The following GSN variants were observed in gnomAD, a reference collection of about 807,000 sequenced individuals.
GSN encodes gelsolin.
Under a neutral mutation model 85.7 loss-of-function variants are expected in GSN, and 56 were observed. The ratio of observed to expected loss-of-function variants is 0.65; its 90% CI spans 0.53 to 0.82. GSN has a LOEUF of 0.82. Among genes scored for constraint, GSN ranks in the 40% least tolerant of loss-of-function variants. The probability of loss-of-function intolerance (pLI) is 0.00; values close to 1 mark genes in which losing one functional copy is unlikely to be tolerated. For synonymous variants in GSN, 373 were observed against 399.1 expected, an observed-to-expected ratio of 0.93 and a Z score of 0.78; for missense variants, 857 against 979.8, an observed-to-expected ratio of 0.87 and a Z score of 1.67.
At chr9:121,312,291 G>T (rs768998819) in intron 5 of GSN, 48 bp from the exon 6 acceptor site, 62 of 1,608,842 alleles carry the variant, frequency 3.9e-5, no homozygotes, top group Admixed American at 8.3e-5. Flanking sequence ...CGCTGGGCGG[G>T]GCTTATAGGA....
intron 4 of GSN, chr9:121,309,992 GGAGAGAGA>G (rs767814493): frequency 1.3e-5 from 2 of 150,742 alleles, no homozygotes; most frequent in Non-Finnish European, 1.5e-5. Flanking sequence ...GCGGAAGGAA[GGAGAGAGA>G]GAGAGAAAGA....
At chr9:121,301,423 TC>T (rs1345057283) in intron 2 of GSN, among the ~76,000 whole-genome samples, 1 of 151,990 alleles carries the variant, frequency 6.6e-6, no homozygotes, top group Admixed American at 6.5e-5. Flanking sequence ...GGTCAGGAGT[TC>T]CAGACCAGCC....
intron 6 of GSN, among the ~76,000 whole-genome samples, chr9:121,259,222 G>T (rs549580388): frequency 6.6e-6 from 1 of 152,162 alleles, no homozygotes; most frequent in African/African-American, 2.4e-5. Flanking sequence ...ACCCAGTAAT[G>T]AAATCATTAC....
At chr9:121,228,416 ATATATATATTTTTTTTTT>A (rs1390706402) in intron 4 of GSN, among the ~76,000 whole-genome samples, 1 of 60,390 alleles carries the variant, frequency 1.7e-5, no homozygotes, top group African/African-American at 1.0e-4. Context: ...ATATATATAT[ATATATATATTTTTTTTTT>A]TTTTTTTTTT....
chr9:121,302,417 T>A (rs2059982300), intron 3 of GSN, among the ~76,000 whole-genome samples: 1 of 152,194 alleles, frequency 6.6e-6, no homozygotes, highest in African/African-American at 2.4e-5. Flanking sequence ...ATGATAGCTC[T>A]GCACTACCTC....
intron 2 of GSN, among the ~76,000 whole-genome samples, chr9:121,293,514 C>T (rs1312913721): frequency 6.6e-6 from 1 of 151,662 alleles, no homozygotes; most frequent in South Asian, 2.1e-4. Context: ...TCTGGGAGGC[C>T]GAGGAGGGCA....
chr9:121,253,113 T>C (rs767241885), intron 6 of GSN, among the ~76,000 whole-genome samples: 11 of 152,142 alleles, frequency 7.2e-5, no homozygotes, highest in Non-Finnish European at 1.3e-4. Flanking sequence ...CCTCTTCTTA[T>C]AAGGGCACTA....
At chr9:121,202,634 CT>C in the GSN span, among the ~76,000 whole-genome samples, 78 of 152,346 alleles carry the variant, frequency 5.1e-4, 1 homozygote, top group African/African-American at 1.8e-3. Flanking sequence ...CACGTTTTGA[CT>C]TTCTTGGACC....
rs560324397 is a variant in GSN, at chr9:121,276,356, G to T, written c.-102-5114G>T. Among the ~76,000 whole-genome samples, 173 of 152,324 alleles carry T rather than the reference G, an allele frequency of 1.1e-3. 1 individual carries two copies. Among genetic ancestry groups the T allele is most frequent in the African/African-American group, 4.1e-3 (169 of 41,566 alleles). ...CCTATTTTCCTCATCTGTAAAATGGGCTACATCCTTAGCATCCGTGCCAGC... is the reference window on the plus strand; with the variant it reads ...CCTATTTTCCTCATCTGTAAAATGGTCTACATCCTTAGCATCCGTGCCAGC... On this transcript the variant is annotated intron_variant, in intron 1 of 17. Transcript: ENST00000432226.
chr9:121,277,353 G>A (rs1405398153), intron 1 of GSN, among the ~76,000 whole-genome samples: 1 of 152,234 alleles, frequency 6.6e-6, no homozygotes, highest in Non-Finnish European at 1.5e-5. Context: ...TTAAAATGCA[G>A]ATTCTGGTTC....
rs1588923651 is a variant in GSN, at chr9:121,299,832, C to G, written c.-9-2131C>G. The G allele has an allele frequency of 7.5e-7, 1 of 1,331,946 alleles. No individual in the cohort carries two copies. The highest frequency in any genetic ancestry group is 9.7e-7 in the Non-Finnish European group (1 of 1,033,696). The allele number at this position is 1,331,946 out of a possible 1,614,324, so 82.5% of individuals were successfully genotyped here. On this transcript the variant is annotated intron_variant, in intron 2 of 17. Coordinates refer to ENST00000432226, the MANE Select transcript of GSN (RefSeq NM_198252.3). The surrounding 1 kb of genome is among the most constrained non-coding windows in gnomAD (Gnocchi z 4.2). ...GGTCGGCGACCCGAGGCCGCGGCTG[C>G]CGACTGGGTCCCCTGCCGCTGTCGC...
At chr9:121,244,234 A>G (rs745510602) in intron 5 of GSN, among the ~76,000 whole-genome samples, 1 of 152,256 alleles carries the variant, frequency 6.6e-6, no homozygotes, top group Non-Finnish European at 1.5e-5. Flanking sequence ...CAATGTATTC[A>G]TCAGATGAAA....
intron 12 of GSN, among the ~76,000 whole-genome samples, chr9:121,326,074 T>A (rs910318813): frequency 6.7e-6 from 1 of 150,322 alleles, no homozygotes; most frequent in Non-Finnish European, 1.5e-5. Flanking sequence ...TGCCCGCATC[T>A]GGGGTGCACT....
rs77683271 is a variant in GSN, at chr9:121,257,744, A to G, written c.-340-7410A>G. On this transcript the variant is annotated intron_variant, in intron 6 of 24. Transcript: ENST00000373823. ...AAATTAGGTGGGTGTGTTGGTGTGC[A>G]CCTGTAATCTCAGCTACTCAGGAGG... 7.2e-5 allele frequency among the ~76,000 whole-genome samples: 11 copies of G among 152,266 alleles called. No individual in the cohort carries two copies. The East Asian group carries it at 2.1e-3, about 29-fold the overall frequency.
chr9:121,298,866 C>G (rs1489830358), intron 2 of GSN, among the ~76,000 whole-genome samples: 2 of 152,104 alleles, frequency 1.3e-5, no homozygotes, highest in East Asian at 3.9e-4. Context: ...TCCCTTAACC[C>G]AATGACTCTA....
intron 5 of GSN, among the ~76,000 whole-genome samples, chr9:121,240,664 TGACG>T (rs753431775): frequency 6.6e-6 from 1 of 152,124 alleles, no homozygotes; most frequent in Non-Finnish European, 1.5e-5. Context: ...TGGGATCAAG[TGACG>T]GACAATCCTG....
chr9:121,310,433 A>C, intron 4 of GSN: 8 of 509,162 alleles, frequency 1.6e-5, no homozygotes, highest in Non-Finnish European at 2.1e-5. Context: ...TGGGCAGGGA[A>C]TCTCTCACTT....
rs575342649 is a variant in GSN, at chr9:121,249,139, A to C, written c.-341+816A>C. 2.6e-5 allele frequency among the ~76,000 whole-genome samples: 4 copies of C among 152,156 alleles called. No individual in the cohort carries two copies. In the South Asian group the frequency reaches 8.3e-4, roughly 32 times the overall value. On this transcript the variant is annotated intron_variant, in intron 6 of 24. Coordinates refer to the GSN transcript ENST00000373823. Reference sequence around the variant, plus strand: ...GATAGACTTGATAGGACTTGGCAACAGAGGTGCAGGCAGGATGATGTCTAA... The same window carrying C: ...GATAGACTTGATAGGACTTGGCAACCGAGGTGCAGGCAGGATGATGTCTAA...
Position 121,327,401 on chromosome 9 carries a change from G to A in GSN, c.1681G>A (p.Glu561Lys), listed in dbSNP as rs1288565137. 5 of 1,613,090 alleles carry A rather than the reference G, an allele frequency of 3.1e-6. No individual in the cohort carries two copies. The highest frequency in any genetic ancestry group is 2.2e-5 in the South Asian group (2 of 90,802). The change falls in exon 14 of 18, where the codon GAG (glutamate) becomes AAG (lysine). Residue 561 changes from glutamate (E) to lysine (K), a missense_variant. Coordinates refer to ENST00000432226, the MANE Select transcript of GSN (RefSeq NM_198252.3). Reference protein sequence around the residue: ...AYLWVGTGASEAEKTGAQELL... With the variant: ...AYLWVGTGASKAEKTGAQELL... ...CCTGTGGGTGGGTACAGGAGCCAGC[G>A]AGGCAGAGAAGACGGGGGCCCAGGA... is the stretch of plus-strand genomic sequence containing the variant.
Sources: gnomAD v4.1 joint callset for allele counts (sites outside exome capture counted in the v4.1 genomes callset) on GRCh38, gnomAD v4.1.1 for gene constraint, Gnocchi (gnomAD v3.1) non-coding constraint, MANE v1.5 for transcripts, NCBI Gene and HGNC (gene_info 2026-07-23, HGNC 2026-07-21) for gene names.